The following FAR1 variants were observed in gnomAD, a reference collection of about 807,000 sequenced individuals.
FAR1 encodes the protein fatty acyl-CoA reductase 1.
In FAR1, 22 loss-of-function variants were observed where a neutral mutation model predicts 61.1. The ratio of observed to expected loss-of-function variants is 0.36; its 90% CI spans 0.26 to 0.51. The LOEUF is 0.51. FAR1 is among the 20% of genes least tolerant of loss of function. The pLI is 0.95. For synonymous variants in FAR1, 206 were observed against 209.7 expected, an observed-to-expected ratio of 0.98 and a Z score of 0.15; for missense variants, 359 against 626.9, an observed-to-expected ratio of 0.57 and a Z score of 4.56.
In FAR1 at chr11:13,694,957, A is replaced by G. The variant is rs1164830197; in HGVS notation, c.189+3A>G. ...TGGAAGAAGTCCTTAGTGGCAAGGTAAGTATGGAAAATGAGCACTCAGAAC... is the reference window on the plus strand; with the variant it reads ...TGGAAGAAGTCCTTAGTGGCAAGGTGAGTATGGAAAATGAGCACTCAGAAC... On this transcript the variant is annotated splice_donor_region_variant and intron_variant, in intron 2 of 11. Coordinates refer to ENST00000354817, the MANE Select transcript of FAR1 (RefSeq NM_032228.6). 6.2e-7 allele frequency: 1 copy of G among 1,600,774 alleles called. No homozygotes were observed. Among genetic ancestry groups the G allele is most frequent in the South Asian group, 1.1e-5 (1 of 88,614 alleles).
chr11:13,719,350 G>T (rs1475535440), intron 9 of FAR1, among the ~76,000 whole-genome samples: 2 of 152,008 alleles, frequency 1.3e-5, no homozygotes, highest in Non-Finnish European at 1.5e-5. Context: ...AGACAATTTT[G>T]TAAATGTTAA....
At chr11:13,718,098 T>A (rs1452223576) in intron 9 of FAR1, among the ~76,000 whole-genome samples, 1 of 152,178 alleles carries the variant, frequency 6.6e-6, no homozygotes, top group Non-Finnish European at 1.5e-5. Context: ...GCCTCTTAGA[T>A]CCTGCCTTTT....
intron 2 of FAR1, among the ~76,000 whole-genome samples, chr11:13,696,659 A>G (rs1226825457): frequency 1.3e-5 from 2 of 152,194 alleles, no homozygotes; most frequent in African/African-American, 2.4e-5. Context: ...TTGATACTCC[A>G]TAAAATTATG....
Position 13,721,844 on chromosome 11 carries a change from C to A in FAR1, c.1242C>A (p.Asn414Lys). 6.3e-7 allele frequency: 1 copy of A among 1,599,090 alleles called. No homozygotes were observed. Among genetic ancestry groups the A allele is most frequent in the Non-Finnish European group, 8.5e-7 (1 of 1,174,488 alleles). ...ENVNMLMNQLNPEDKKTFNID... is the reference protein window; with the variant it reads ...ENVNMLMNQLKPEDKKTFNID... Reference sequence around the variant, plus strand: ...TCAATATGTTAATGAATCAACTAAACCCTGAAGATAAAAAGGCAAGCAAGT... The same window carrying A: ...TCAATATGTTAATGAATCAACTAAAACCTGAAGATAAAAAGGCAAGCAAGT... Residue 414 changes from asparagine (N) to lysine (K), a missense_variant, in exon 10 of 12, where the codon AAC (asparagine) becomes AAA (lysine). By Grantham distance (94) the Asn-to-Lys change is moderately conservative. Coordinates refer to ENST00000354817, the MANE Select transcript of FAR1 (RefSeq NM_032228.6). The surrounding 1 kb of genome is among the most constrained non-coding windows in gnomAD (Gnocchi z 4.2).
At chr11:13,678,304 G>A (rs745710654) in intron 1 of FAR1, among the ~76,000 whole-genome samples, 8 of 152,176 alleles carry the variant, frequency 5.3e-5, no homozygotes, top group African/African-American at 1.4e-4. Flanking sequence ...TCGCTGTGTC[G>A]CCCAGGAGGG....
chr11:13,696,353 A>G (rs142076606), intron 2 of FAR1, among the ~76,000 whole-genome samples: 115 of 152,254 alleles, frequency 7.6e-4, no homozygotes, highest in African/African-American at 2.5e-3. Context: ...CTTTTTAGAC[A>G]GTTTTTAAGA....
At chr11:13,698,697 G>A (rs374812738) in intron 2 of FAR1, among the ~76,000 whole-genome samples, 61 of 152,172 alleles carry the variant, frequency 4.0e-4, no homozygotes, top group African/African-American at 1.4e-3. Context: ...TGGGCGTGGT[G>A]GCGGGCACCT....
intron 1 of FAR1, among the ~76,000 whole-genome samples, chr11:13,671,143 G>T (rs1847998885): frequency 6.6e-6 from 1 of 152,196 alleles, no homozygotes. Flanking sequence ...GAGGCGACTT[G>T]CAGTAGAGAA....
chr11:13,678,017 A>G (rs935881568), intron 1 of FAR1, among the ~76,000 whole-genome samples: 1 of 152,214 alleles, frequency 6.6e-6, no homozygotes, highest in African/African-American at 2.4e-5. Context: ...ACAATTGAAA[A>G]CGAAGACCAA....
chr11:13,708,811 G>A (rs1848467633), intron 4 of FAR1, among the ~76,000 whole-genome samples: 1 of 152,076 alleles, frequency 6.6e-6, no homozygotes, highest in South Asian at 2.1e-4. Flanking sequence ...GAGAATCAGA[G>A]GAATCATAGT....
At chr11:13,719,248 T>G (rs78506075) in intron 9 of FAR1, among the ~76,000 whole-genome samples, 24,219 of 152,162 alleles carry the variant, frequency 0.16, 2,080 homozygotes, top group South Asian at 0.25. Flanking sequence ...TTGTGCTGTG[T>G]GAGGCTTTCT....
intron 9 of FAR1, among the ~76,000 whole-genome samples, chr11:13,715,219 A>T (rs1848542818): frequency 6.6e-6 from 1 of 152,180 alleles, no homozygotes; most frequent in African/African-American, 2.4e-5. Context: ...GAAAAAAATC[A>T]CTAGCATGAG....
At chr11:13,727,820 G>A (rs754846530) in intron 11 of FAR1, 137 bp downstream of exon 11, 4 of 776,498 alleles carry the variant, frequency 5.2e-6, no homozygotes, top group Non-Finnish European at 7.8e-6. Flanking sequence ...TCTTATATTT[G>A]TAGTGCTTTT....
intron 10 of FAR1, among the ~76,000 whole-genome samples, chr11:13,724,781 A>C (rs2134201921): frequency 6.6e-6 from 1 of 152,312 alleles, no homozygotes; most frequent in Admixed American, 6.5e-5. Context: ...CAAAACCCAG[A>C]GTGCATTTTA....
chr11:13,700,498 T>TGTTC lies in FAR1; in HGVS notation c.365+6_365+7insGTTC. ...AGGTTTAATGAAAATTTAAGGTAAG[T>TGTTC]ACAAGTAATTATATAATATTTGAAC... On this transcript the variant is annotated splice_region_variant and intron_variant, in intron 3 of 11. Coordinates refer to ENST00000354817, the MANE Select transcript of FAR1 (RefSeq NM_032228.6). 1 of 1,431,568 alleles carries TGTTC rather than the reference T, an allele frequency of 7.0e-7. No homozygotes were observed. Among genetic ancestry groups the TGTTC allele is most frequent in the Non-Finnish European group, 9.3e-7 (1 of 1,070,122 alleles). 88.7% of individuals were successfully genotyped at this position (1,431,568 alleles called of 1,614,324 possible). A position where few individuals can be genotyped will look rare whatever the true frequency, so the allele number is the denominator to read the frequency against.
Position 13,708,079 on chromosome 11 carries a change from A to C in FAR1, c.545A>C (p.Glu182Ala), listed in dbSNP as rs1848454046. 6.4e-7 allele frequency: 1 copy of C among 1,568,926 alleles called. No homozygotes were observed. Among genetic ancestry groups the C allele is most frequent in the South Asian group, 1.2e-5 (1 of 83,326 alleles). ...VDPKKLIDSL[E>A]WMDDGLVNDI... ...CCCAAGAAGCTGATTGATTCTTTAG[A>C]GTATGTTTGTTTGAAATTTATATAC... The change falls in exon 4 of 12, where the codon GAG (glutamate) becomes GCG (alanine). Residue 182 changes from glutamate (E) to alanine (A), a missense_variant and splice_region_variant. Glu to Ala is a moderately radical substitution (Grantham distance 107). Coordinates refer to ENST00000354817, the MANE Select transcript of FAR1 (RefSeq NM_032228.6).
intron 1 of FAR1, among the ~76,000 whole-genome samples, chr11:13,689,694 C>T (rs551201962): frequency 6.6e-6 from 1 of 152,178 alleles, no homozygotes; most frequent in Admixed American, 6.5e-5. Flanking sequence ...GAATGTTCAG[C>T]TTTAGTGGGT....
chr11:13,720,996 T>A (rs1164947649), intron 9 of FAR1: 1 of 152,174 alleles, frequency 6.6e-6, no homozygotes, highest in Non-Finnish European at 1.5e-5. Context: ...CTCCTTGTAC[T>A]TTTAAAAACA....
At chr11:13,728,401 T>C (rs972118036) in intron 11 of FAR1, among the ~76,000 whole-genome samples, 1 of 151,938 alleles carries the variant, frequency 6.6e-6, no homozygotes, top group Non-Finnish European at 1.5e-5. Flanking sequence ...CTGTGATGTA[T>C]GTAATGAATG....
Sources: gnomAD v4.1 joint callset for allele counts (sites outside exome capture counted in the v4.1 genomes callset) on GRCh38, gnomAD v4.1.1 for gene constraint, Gnocchi (gnomAD v3.1) non-coding constraint, MANE v1.5 for transcripts, NCBI Gene and HGNC (gene_info 2026-07-23, HGNC 2026-07-21) for gene names.